The following KLHDC10 variants were observed in gnomAD, a reference collection of about 807,000 sequenced individuals.
KLHDC10 encodes kelch domain-containing protein 10.
KLHDC10 carries 24 observed loss-of-function variants against 56.1 expected under a neutral mutation model. That is an observed-to-expected ratio of 0.43 (90% CI 0.31 to 0.60). The LOEUF (loss-of-function observed/expected upper bound fraction) is 0.60. Among genes scored for constraint, KLHDC10 ranks in the 20% least tolerant of loss-of-function variants. The pLI, the probability that KLHDC10 is intolerant of heterozygous loss-of-function variation, is 0.11. For missense variants in KLHDC10, 349 were observed against 567.0 expected (o/e 0.62, Z 3.91); for synonymous variants, 188 against 207.1 (o/e 0.91, Z 0.79).
intron 1 of KLHDC10, among the ~76,000 whole-genome samples, chr7:130,089,395 C>G (rs1021265955): frequency 1.3e-5 from 2 of 152,248 alleles, no homozygotes; most frequent in South Asian, 4.1e-4. Context: ...GAGTTCAAGA[C>G]CAGCTTGGGC....
chr7:130,105,494 G>C (rs1227292345), intron 2 of KLHDC10, among the ~76,000 whole-genome samples: 5 of 152,104 alleles, frequency 3.3e-5, no homozygotes, highest in Admixed American at 2.6e-4. Context: ...GTGAATAAAA[G>C]AGCCCAGAAA....
chr7:130,075,209 T>A (rs1217725759), intron 1 of KLHDC10, among the ~76,000 whole-genome samples: 8 of 152,192 alleles, frequency 5.3e-5, no homozygotes, highest in Non-Finnish European at 7.3e-5. Context: ...AGGTAGCTGT[T>A]GTGATTTAAC....
chr7:130,115,643 A>T (rs1796156411), intron 2 of KLHDC10, among the ~76,000 whole-genome samples: 1 of 139,786 alleles, frequency 7.2e-6, no homozygotes, highest in South Asian at 2.3e-4. Context: ...TGAACCTGGG[A>T]GGCAGAGGTT....
intron 1 of KLHDC10, among the ~76,000 whole-genome samples, chr7:130,072,476 G>C (rs1374368449): frequency 1.3e-5 from 2 of 152,138 alleles, no homozygotes; most frequent in Admixed American, 1.3e-4. Context: ...TGTAAAGCGG[G>C]GTCATCAGTC....
intron 6 of KLHDC10, among the ~76,000 whole-genome samples, chr7:130,125,577 G>T (rs1333928980): frequency 1.3e-5 from 2 of 152,020 alleles, no homozygotes; most frequent in African/African-American, 2.4e-5. Context: ...AATCATGTAT[G>T]TGTTTAATTT....
intron 2 of KLHDC10, among the ~76,000 whole-genome samples, chr7:130,105,601 G>A (rs1795996483): frequency 6.6e-6 from 1 of 152,034 alleles, no homozygotes; most frequent in Non-Finnish European, 1.5e-5. Context: ...GCATACCTAG[G>A]TATAATAAAG....
At chr7:130,099,235 C>T (rs1354210583) in intron 2 of KLHDC10, among the ~76,000 whole-genome samples, 1 of 152,172 alleles carries the variant, frequency 6.6e-6, no homozygotes, top group Non-Finnish European at 1.5e-5. Context: ...CTGTCCTCTC[C>T]ATTATCTCCT....
In KLHDC10 at chr7:130,070,797, C is replaced by T. The variant is rs1227155721; in HGVS notation, c.154C>T (p.Pro52Ser). ...CCGCTTCGTGCAACTCTCCGGGCGG[C>T]CGCACCTGCCAGGTGAGTCGTGGGA... The part of the protein sequence containing the change: ...LNRFVQLSGR[P>S]HLPGKKKIRW... Residue 52 changes from proline (P) to serine (S), a missense_variant, in exon 1 of 10, where the codon CCG becomes TCG. By Grantham distance (74) the Pro-to-Ser change is moderately conservative. Around this residue, in one of 2 missense-constraint regions of KLHDC10, gnomAD observed 104 missense variants for 97.0 expected, o/e 1.07. Coordinates refer to ENST00000335420, the MANE Select transcript of KLHDC10 (RefSeq NM_014997.4). The T allele has an allele frequency of 1.5e-6, 2 of 1,306,550 alleles. No individual in the cohort carries two copies. The highest frequency in any genetic ancestry group is 2.0e-6 in the Non-Finnish European group (2 of 1,024,982). 80.9% of individuals were successfully genotyped at this position (1,306,550 alleles called of 1,614,324 possible).
chr7:130,090,316 C>T (rs972171545), intron 1 of KLHDC10, among the ~76,000 whole-genome samples: 2 of 151,816 alleles, frequency 1.3e-5, no homozygotes, highest in Non-Finnish European at 1.5e-5. Flanking sequence ...TGGCTGGGTG[C>T]AGTGGCTCAC....
chr7:130,121,426 G>A (rs933226729), intron 4 of KLHDC10, among the ~76,000 whole-genome samples: 1 of 152,208 alleles, frequency 6.6e-6, no homozygotes, highest in African/African-American at 2.4e-5. Flanking sequence ...ATACATCAGA[G>A]ACTCTTTGAG....
intron 1 of KLHDC10, among the ~76,000 whole-genome samples, chr7:130,078,499 A>G (rs1795548800): frequency 6.6e-6 from 1 of 152,032 alleles, no homozygotes; most frequent in African/African-American, 2.4e-5. Flanking sequence ...TTACAGGTAT[A>G]AGCCTCCGCG....
At position 130,120,831 on chromosome 7, in the gene KLHDC10, G is replaced by A; in HGVS notation, c.558G>A (p.Val186=). The change falls in exon 4 of 10, where the codon GTG becomes GTA. Residue 186 remains valine, a synonymous_variant. Coordinates refer to ENST00000335420, the MANE Select transcript of KLHDC10 (RefSeq NM_014997.4). This position sits in a 1 kb window ranked among gnomAD's most constrained non-coding sequence, Gnocchi z 5.1. ...AGAGCAACGGCAATGACGTCCATGT[G>A]TGTAATGTGAAGTATAAGAGATGGG... ...FGESNGNDVH[V]CNVKYKRWAL... 1 of 1,614,160 alleles carries A rather than the reference G, an allele frequency of 6.2e-7. No individual in the cohort carries two copies. The highest frequency in any genetic ancestry group is 8.5e-7 in the Non-Finnish European group (1 of 1,180,014).
Position 130,070,560 on chromosome 7 carries a change from C to T in KLHDC10, c.-84C>T, listed in dbSNP as rs2116821723. 1.6e-6 allele frequency: 2 copies of T among 1,233,060 alleles called. No individual in the cohort carries two copies. The highest frequency in any genetic ancestry group is 2.0e-6 in the Non-Finnish European group (2 of 976,350). 76.4% of individuals were successfully genotyped at this position (1,233,060 alleles called of 1,614,324 possible). A position where few individuals can be genotyped will look rare whatever the true frequency, so the allele number is the denominator to read the frequency against. The stretch of plus-strand genomic sequence containing the variant: ...CCCCCTTCCCCTGTCTCCTGGGTCT[C>T]TGGAGGAGCCCAGGAAGGAGGCTCC... On this transcript the variant is annotated 5_prime_UTR_variant, in exon 1 of 10. Transcript: ENST00000335420.
chr7:130,108,057 A>C (rs1466827641), intron 2 of KLHDC10, among the ~76,000 whole-genome samples: 1 of 150,466 alleles, frequency 6.6e-6, no homozygotes, highest in Non-Finnish European at 1.5e-5. Context: ...GAAAAAAAAA[A>C]CAAAAAACAA....
intron 1 of KLHDC10, among the ~76,000 whole-genome samples, chr7:130,096,297 ATATTT>A (rs920004335): frequency 6.6e-5 from 10 of 152,290 alleles, no homozygotes; most frequent in African/African-American, 2.4e-4. Flanking sequence ...ATAAGAAAAC[ATATTT>A]TAATTGGGGT....
At chr7:130,101,208 C>G (rs149459434) in intron 2 of KLHDC10, among the ~76,000 whole-genome samples, 235 of 152,208 alleles carry the variant, frequency 1.5e-3, no homozygotes, top group Middle Eastern at 0.01. Flanking sequence ...ACAGTATGTA[C>G]AGAGCACTTA....
At chr7:130,112,496 G>A (rs1796115205) in intron 2 of KLHDC10, among the ~76,000 whole-genome samples, 1 of 152,184 alleles carries the variant, frequency 6.6e-6, no homozygotes, top group South Asian at 2.1e-4. Context: ...GATTTTATTA[G>A]CAGCAAGTAA....
chr7:130,112,161 A>G (rs1326712189), intron 2 of KLHDC10, among the ~76,000 whole-genome samples: 1 of 152,202 alleles, frequency 6.6e-6, no homozygotes, highest in Non-Finnish European at 1.5e-5. Flanking sequence ...CTTTGTTACA[A>G]TATTATTTGT....
chr7:130,098,865 T>A (rs1037604182), intron 2 of KLHDC10, among the ~76,000 whole-genome samples: 1 of 152,176 alleles, frequency 6.6e-6, no homozygotes, highest in African/African-American at 2.4e-5. Flanking sequence ...AATTTTTTGA[T>A]TGTGGAGAAA....
Sources: allele counts gnomAD v4.1 joint callset (sites outside exome capture counted in the v4.1 genomes callset), GRCh38; gene constraint gnomAD v4.1.1; regional missense constraint gnomAD v4.1.1; non-coding constraint Gnocchi (gnomAD v3.1); transcripts MANE v1.5; gene names NCBI Gene and HGNC (gene_info 2026-07-23, HGNC 2026-07-21).